KARS1: variants seen among roughly 807,000 people sequenced by gnomAD.
The protein encoded by KARS1 is lysyl-tRNA synthetase 1.
A neutral mutation model predicts 63.9 loss-of-function variants in KARS1; 50 were observed. The ratio of observed to expected loss-of-function variants is 0.78; its 90% CI spans 0.62 to 0.99. The LOEUF is 0.99. Among genes scored for constraint, KARS1 ranks in the 50% least tolerant of loss-of-function variants. The pLI is 0.00. For missense variants in KARS1, 816 were observed against 754.5 expected, an observed-to-expected ratio of 1.08 and a Z score of -0.95; for synonymous variants, 320 against 264.6, an observed-to-expected ratio of 1.21 and a Z score of -2.03.
rs148991591 is a variant in KARS1, at chr16:75,642,185, C to CTTTTTT, written c.63-468_63-463dup. Among the ~76,000 whole-genome samples, 42 of 63,186 alleles carry CTTTTTT rather than the reference C, an allele frequency of 6.6e-4. 5 individuals carry two copies. The highest frequency in any genetic ancestry group is 9.9e-4 in the East Asian group (1 of 1,010). The allele number at this position is 63,186 out of a possible 152,430, so 41.5% of individuals were successfully genotyped here. On this transcript the variant is annotated intron_variant, in intron 1 of 13. Coordinates refer to ENST00000302445, the MANE Select transcript of KARS1 (RefSeq NM_005548.3). ...AGGTGAAGTTCCAACAGTGCCAGGTCTTTTTTTTTTTTTTTTTTTTTTTTT... is the reference window on the plus strand; with the variant it reads ...AGGTGAAGTTCCAACAGTGCCAGGTCTTTTTTTTTTTTTTTTTTTTTTTTTTTTTTT...
At chr16:75,645,690 A>T (rs1166504358) in intron 1 of KARS1, among the ~76,000 whole-genome samples, 2 of 152,044 alleles carry the variant, frequency 1.3e-5, no homozygotes, top group African/African-American at 4.8e-5. Context: ...CTACTAAAAC[A>T]CAAAAATTTA....
At position 75,641,727 on chromosome 16, in the gene KARS1, T is replaced by G. The variant is rs746115202; in HGVS notation, c.63-4A>C. 6.2e-7 allele frequency: 1 copy of G among 1,613,524 alleles called. No homozygotes were observed. The highest frequency in any genetic ancestry group is 2.2e-5 in the East Asian group (1 of 44,888). On this transcript the variant is annotated splice_polypyrimidine_tract_variant and splice_region_variant and intron_variant, in intron 1 of 13. Transcript: ENST00000302445. ...TTTCAGGCGTCTCTTCAGCTCACTG[T>G]TGGAAAGATGAAAGCGTTCAATGTG...
At chr16:75,635,525 C>T (rs571291655) in intron 6 of KARS1, 155 bp downstream of exon 6, 5 of 863,308 alleles carry the variant, frequency 5.8e-6, no homozygotes, top group African/African-American at 1.7e-5. Context: ...CTAATCAGGA[C>T]AAGGTAGAAC....
At position 75,635,941 on chromosome 16, in the gene KARS1, G is replaced by A. The variant is rs1420752034; in HGVS notation, c.640C>T (p.Pro214Ser). 1 of 1,614,126 alleles carries A rather than the reference G, an allele frequency of 6.2e-7. No individual in the cohort carries two copies. Among genetic ancestry groups the A allele is most frequent in the Non-Finnish European group, 8.5e-7 (1 of 1,180,014 alleles). The change falls in exon 5 of 14, where the codon CCT (proline) becomes TCT (serine). Residue 214 changes from proline to serine, a missense_variant. Physicochemically the swap from Pro to Ser is moderately conservative, Grantham distance 74. Coordinates refer to ENST00000302445, the MANE Select transcript of KARS1 (RefSeq NM_005548.3). ...TLLSPCLHMLPHLHFGLKDKE... is the reference protein window; with the variant it reads ...TLLSPCLHMLSHLHFGLKDKE... ...TCTTTGAGGCCAAAGTGAAGATGAG[G>A]TAACATATGCAAACAGGGAGACAGC... is the stretch of plus-strand genomic sequence containing the variant.
chr16:75,643,708 A>C (rs2082250104), intron 1 of KARS1, among the ~76,000 whole-genome samples: 5 of 152,328 alleles, frequency 3.3e-5, no homozygotes, highest in Admixed American at 3.3e-4. Context: ...AAAGAAAAAC[A>C]GATTCTGAAT....
intron 13 of KARS1, 36 bp from the exon 14 acceptor site, chr16:75,628,029 G>A: frequency 8.0e-7 from 1 of 1,251,556 alleles, no homozygotes; most frequent in East Asian, 2.3e-5. Flanking sequence ...AAGCTGAGAA[G>A]CACTCTCAAC....
intron 4 of KARS1, 49 bp from the exon 5 acceptor site, chr16:75,636,147 T>C: frequency 8.7e-7 from 1 of 1,146,002 alleles, no homozygotes; most frequent in Non-Finnish European, 1.3e-6. Context: ...AAATGAACAC[T>C]GACCACTGGT....
intron 3 of KARS1, among the ~76,000 whole-genome samples, chr16:75,637,681 A>G (rs1383096362): frequency 2.0e-5 from 3 of 151,532 alleles, no homozygotes; most frequent in Non-Finnish European, 2.9e-5. Flanking sequence ...TGGGAGGCTG[A>G]GGCAGGAGAA....
chr16:75,629,283 C>A (rs763809602), intron 12 of KARS1, 132 bp downstream of exon 12: 79 of 1,088,374 alleles, frequency 7.3e-5, no homozygotes, highest in Non-Finnish European at 9.9e-5. Flanking sequence ...AAATGTGACT[C>A]CTCCAGCAAG....
rs2082154880 is a variant in KARS1, at chr16:75,635,803, T to C, written c.672A>G (p.Glu224=). 6.2e-7 allele frequency: 1 copy of C among 1,614,186 alleles called. No individual in the cohort carries two copies. Among genetic ancestry groups the C allele is most frequent in the Middle Eastern group, 1.6e-4 (1 of 6,062 alleles). ...PHLHFGLKDK[E]TRYRQRYLDL... is the part of the protein sequence containing the mutation. ...CCAAGTATCTCTGGCGATACCTTGT[T>C]TCCTAAACCAAAAGCAGCAGTTAGA... Residue 224 remains glutamate (E), a splice_region_variant and synonymous_variant, in exon 6 of 14, where the codon GAA becomes GAG. Coordinates refer to ENST00000302445, the MANE Select transcript of KARS1 (RefSeq NM_005548.3).
rs1175751459 is a variant in KARS1 at position 75,634,179 on chromosome 16, A to G, written c.909T>C (p.Tyr303=). The G allele has an allele frequency of 8.1e-6, 13 of 1,613,926 alleles. No individual in the cohort carries two copies. The highest frequency in any genetic ancestry group is 1.1e-5 in the Non-Finnish European group (13 of 1,179,846). Residue 303 remains tyrosine, a synonymous_variant, in exon 7 of 14, where the codon TAT becomes TAC. Coordinates refer to ENST00000302445, the MANE Select transcript of KARS1 (RefSeq NM_005548.3). ...GTGTACTATTACTGACTACCTTATG[A>G]TAGAGTTCTGGAGCAATTCTCATAT... ...NLYMRIAPEL[Y]HKMLVVGGID...
At chr16:75,646,537 C>A (rs1315848669) in intron 1 of KARS1, among the ~76,000 whole-genome samples, 1 of 146,750 alleles carries the variant, frequency 6.8e-6, no homozygotes, top group Admixed American at 6.9e-5. Flanking sequence ...GAGACTCCAT[C>A]TTAAAAAAAA....
chr16:75,646,846 A>G (rs1236382702), intron 1 of KARS1, among the ~76,000 whole-genome samples: 1 of 152,082 alleles, frequency 6.6e-6, no homozygotes, highest in Non-Finnish European at 1.5e-5. Flanking sequence ...ACTATGTACC[A>G]TCTTCCTAGC....
chr16:75,631,989 G>A, intron 7 of KARS1, 134 bp from the exon 8 acceptor site: 2 of 1,032,354 alleles, frequency 1.9e-6, no homozygotes, highest in Non-Finnish European at 3.0e-6. Context: ...CTAGGTTCAA[G>A]CAATTCTCCT....
At chr16:75,633,654 A>G (rs1274861873) in intron 7 of KARS1, among the ~76,000 whole-genome samples, 1 of 151,528 alleles carries the variant, frequency 6.6e-6, no homozygotes, top group Non-Finnish European at 1.5e-5. Flanking sequence ...AGTAGCTGGG[A>G]TTACAGGCAC....
chr16:75,640,028 T>C, intron 3 of KARS1, 156 bp downstream of exon 3: 1 of 684,448 alleles, frequency 1.5e-6, no homozygotes, highest in Non-Finnish European at 2.6e-6. Context: ...GCTGCTCTGC[T>C]TCTTTCTGTA....
At chr16:75,642,729 A>T (rs2082239267) in intron 1 of KARS1, 1 of 152,244 alleles carries the variant, frequency 6.6e-6, no homozygotes, top group African/African-American at 2.4e-5. Flanking sequence ...TGTGCAAAGC[A>T]GTATAGTACA....
intron 3 of KARS1, among the ~76,000 whole-genome samples, chr16:75,637,710 C>T (rs549767816): frequency 1.4e-5 from 2 of 147,446 alleles, no homozygotes; most frequent in Middle Eastern, 3.5e-3. Context: ...ACCTGGGAGG[C>T]GGAGGTTGCA....
At chr16:75,640,971 G>C (rs11647615) in intron 2 of KARS1, among the ~76,000 whole-genome samples, 16,254 of 152,202 alleles carry the variant, frequency 0.11, 888 homozygotes, top group Middle Eastern at 0.13. Context: ...GGGAGCCCGA[G>C]GCGGGTGGAT....
Sources: gnomAD v4.1 joint callset for allele counts (sites outside exome capture counted in the v4.1 genomes callset) on GRCh38, gnomAD v4.1.1 for gene constraint, MANE v1.5 for transcripts, NCBI Gene and HGNC (gene_info 2026-07-23, HGNC 2026-07-21) for gene names.